The following EGFR variants were observed in gnomAD, a reference collection of about 807,000 sequenced individuals.
The protein encoded by EGFR is avian erythroblastic leukemia viral (v-erb-b) oncogene homolog.
Under a neutral mutation model 143.0 loss-of-function variants are expected in EGFR, and 58 were observed. The ratio of observed to expected loss-of-function variants is 0.41; its 90% CI spans 0.33 to 0.50. The LOEUF is 0.50. Ranked by LOEUF, EGFR falls within the 20% of genes least tolerant of loss-of-function variation. The probability of loss-of-function intolerance (pLI) is 0.39; values close to 1 mark genes in which losing one functional copy is unlikely to be tolerated. For synonymous variants in EGFR, 613 were observed against 594.4 expected, an observed-to-expected ratio of 1.03 and a Z score of -0.45; for missense variants, 1,307 against 1,579.0, an observed-to-expected ratio of 0.83 and a Z score of 2.92.
At chr7:55,201,645 C>G (rs1010446080) in intron 25 of EGFR, 90 bp from the exon 26 acceptor site, 1 of 1,486,916 alleles carries the variant, frequency 6.7e-7, no homozygotes, top group African/African-American at 1.4e-5. Context: ...TCACAATATA[C>G]CCTCCATGAG....
chr7:55,182,188 T>C (rs770831639), intron 20 of EGFR: 48 of 155,100 alleles, frequency 3.1e-4, no homozygotes, highest in Non-Finnish European at 5.2e-4. Flanking sequence ...TGCACTCAAC[T>C]TGCTAAGTCC....
rs759106015 is a variant in EGFR at position 55,152,588 on chromosome 7, G to A, written c.671G>A (p.Arg224His). ...ICAQQCSGRC[R>H]GKSPSDCCHN... Reference sequence around the variant, plus strand: ...GCCCAGCAGTGCTCCGGGCGCTGCCGTGGCAAGTCCCCCAGTGACTGCTGC... The same window carrying A: ...GCCCAGCAGTGCTCCGGGCGCTGCCATGGCAAGTCCCCCAGTGACTGCTGC... Residue 224 changes from arginine (R) to histidine (H), a missense_variant, in exon 6 of 28, where the codon CGT (arginine) becomes CAT (histidine). Physicochemically the swap from Arg to His is conservative, Grantham distance 29 (BLOSUM62 0). Coordinates refer to ENST00000275493, the MANE Select transcript of EGFR (RefSeq NM_005228.5). 2.0e-5 allele frequency: 32 copies of A among 1,613,754 alleles called. No individual in the cohort carries two copies. Among genetic ancestry groups the A allele is most frequent in the Middle Eastern group, 1.6e-4 (1 of 6,084 alleles).
rs1364990303 is a variant in EGFR, at chr7:55,127,373, G to A, written c.89-14913G>A. On this transcript the variant is annotated intron_variant, in intron 1 of 27. Transcript: ENST00000275493. ...TTTTAGTAATTCTAAAAATTGATGC[G>A]CTTTTTCCACGAAAGGAAGTGTTAC... Among the ~76,000 whole-genome samples, 6 of 152,216 alleles carry A rather than the reference G, an allele frequency of 3.9e-5. No homozygotes were observed. The South Asian group carries it at 8.3e-4, about 21-fold the overall frequency.
At chr7:55,142,791 T>G (rs1794536381) in intron 2 of EGFR, among the ~76,000 whole-genome samples, 1 of 152,182 alleles carries the variant, frequency 6.6e-6, no homozygotes. Flanking sequence ...TAAATACTCC[T>G]ACTATAGCTG....
At chr7:55,088,197 A>T (rs1380946399) in intron 1 of EGFR, among the ~76,000 whole-genome samples, 1 of 152,130 alleles carries the variant, frequency 6.6e-6, no homozygotes, top group Non-Finnish European at 1.5e-5. Flanking sequence ...GGCTCCCAGG[A>T]GTGTGAGAAG....
chr7:55,081,604 T>C (rs1432405265), intron 1 of EGFR, among the ~76,000 whole-genome samples: 1 of 152,108 alleles, frequency 6.6e-6, no homozygotes, highest in Non-Finnish European at 1.5e-5. Context: ...AAACCATCCT[T>C]CCGTGCTCCC....
At chr7:55,189,976 G>C (rs988795131) in intron 20 of EGFR, among the ~76,000 whole-genome samples, 3 of 152,180 alleles carry the variant, frequency 2.0e-5, no homozygotes, top group African/African-American at 7.2e-5. Flanking sequence ...TAAGAGACAG[G>C]GTACCAGGCA....
chr7:55,124,307 G>A (rs1793390805), intron 1 of EGFR, among the ~76,000 whole-genome samples: 1 of 152,092 alleles, frequency 6.6e-6, no homozygotes, highest in Admixed American at 6.5e-5. Context: ...CCAGGTTTTT[G>A]GAGAGGTATT....
At chr7:55,098,639 T>G (rs1791623966) in intron 1 of EGFR, among the ~76,000 whole-genome samples, 1 of 152,212 alleles carries the variant, frequency 6.6e-6, no homozygotes, top group Non-Finnish European at 1.5e-5. Context: ...ATTTTTTCTG[T>G]TTGCTTATCT....
intron 1 of EGFR, among the ~76,000 whole-genome samples, chr7:55,073,539 G>A (rs1397139798): frequency 1.3e-5 from 2 of 152,164 alleles, no homozygotes; most frequent in African/African-American, 2.4e-5. Flanking sequence ...TTTTGTATAT[G>A]GCCCATAGGG....
intron 22 of EGFR, among the ~76,000 whole-genome samples, chr7:55,194,661 G>A (rs1350230548): frequency 6.6e-6 from 1 of 152,154 alleles, no homozygotes; most frequent in African/African-American, 2.4e-5. Context: ...CACGCTCCAG[G>A]CATAGCCTGT....
At chr7:55,128,177 G>A (rs568122879) in intron 1 of EGFR, among the ~76,000 whole-genome samples, 269 of 152,256 alleles carry the variant, frequency 1.8e-3, no homozygotes, top group Non-Finnish European at 3.3e-3. Context: ...TCATTACCAC[G>A]AGTCTCCTAG....
intron 1 of EGFR, among the ~76,000 whole-genome samples, chr7:55,117,027 A>G (rs183636421): frequency 1.3e-5 from 2 of 152,300 alleles, no homozygotes; most frequent in African/African-American, 4.8e-5. Flanking sequence ...TTGCTGGGTC[A>G]GAGGGTACTG....
intron 1 of EGFR, among the ~76,000 whole-genome samples, chr7:55,118,490 A>G (rs1338974528): frequency 1.3e-5 from 2 of 151,980 alleles, no homozygotes; most frequent in Non-Finnish European, 2.9e-5. Flanking sequence ...CTCTGAACAC[A>G]TTTCTCCCCC....
At chr7:55,027,823 G>C (rs888323563) in intron 1 of EGFR, among the ~76,000 whole-genome samples, 22 of 151,898 alleles carry the variant, frequency 1.4e-4, no homozygotes, top group African/African-American at 5.3e-4. Context: ...TTGTGAATTA[G>C]AAGAGACATC....
At chr7:55,101,255 G>T (rs981161177) in intron 1 of EGFR, among the ~76,000 whole-genome samples, 16 of 152,188 alleles carry the variant, frequency 1.1e-4, no homozygotes, top group African/African-American at 3.6e-4. Context: ...CTCGTCATTT[G>T]TTCCTTTTGC....
intron 1 of EGFR, among the ~76,000 whole-genome samples, chr7:55,051,802 C>T (rs185756330): frequency 7.6e-4 from 116 of 152,324 alleles, no homozygotes; most frequent in Middle Eastern, 3.4e-3. Flanking sequence ...CTCACACAGA[C>T]GCTGACCACT....
intron 23 of EGFR, among the ~76,000 whole-genome samples, chr7:55,199,579 C>T (rs1382591283): frequency 6.6e-6 from 1 of 152,224 alleles, no homozygotes; most frequent in East Asian, 1.9e-4. Flanking sequence ...CGTGATTTGT[C>T]TAAGGTCACA....
intron 1 of EGFR, among the ~76,000 whole-genome samples, chr7:55,093,859 G>T (rs564788718): frequency 6.6e-6 from 1 of 152,256 alleles, no homozygotes; most frequent in South Asian, 2.1e-4. Context: ...GATGCCACAG[G>T]TGCTTAGCCA....
Sources: gnomAD v4.1 joint callset for allele counts (sites outside exome capture counted in the v4.1 genomes callset) on GRCh38, gnomAD v4.1.1 for gene constraint, MANE v1.5 for transcripts, NCBI Gene and HGNC (gene_info 2026-07-23, HGNC 2026-07-21) for gene names.